The following APOH variants were observed in gnomAD, a reference collection of about 807,000 sequenced individuals.
APOH encodes beta-2-glycoprotein 1.
Under a neutral mutation model 39.8 loss-of-function variants are expected in APOH, and 48 were observed. The ratio of observed to expected loss-of-function variants is 1.21; its 90% CI spans 0.96 to 1.54. APOH has a LOEUF of 1.54. Among genes scored for constraint, APOH ranks in the 40% most tolerant of loss-of-function variants. APOH has a pLI of 0.00. For synonymous variants in APOH, 153 were observed against 151.1 expected, an observed-to-expected ratio of 1.01 and a Z score of -0.09; for missense variants, 415 against 421.2, an observed-to-expected ratio of 0.99 and a Z score of 0.13.
At position 66,228,215 on chromosome 17, in the gene APOH, C is replaced by G; in HGVS notation, c.65-19G>C. 1.9e-6 allele frequency: 3 copies of G among 1,601,984 alleles called. No individual in the cohort carries two copies. The highest frequency in any genetic ancestry group is 2.2e-5 in the South Asian group (2 of 89,706). ...GGACAGGCTGAAAGAGGGCACAAAGCAGATGGTTAACAAATCTCTATTTGC... is the reference window on the plus strand; with the variant it reads ...GGACAGGCTGAAAGAGGGCACAAAGGAGATGGTTAACAAATCTCTATTTGC... On this transcript the variant is annotated intron_variant, in intron 1 of 7. Transcript: ENST00000205948.
chr17:66,220,503 CA>C (rs756782108), intron 5 of APOH, 50 bp downstream of exon 5: 61 of 1,561,344 alleles, frequency 3.9e-5, no homozygotes, highest in Non-Finnish European at 5.3e-5. Flanking sequence ...ATACCTTTCA[CA>C]AATGGGATCT....
chr17:66,217,084 G>A, intron 5 of APOH, 117 bp from the exon 6 acceptor site: 1 of 799,168 alleles, frequency 1.3e-6, no homozygotes, highest in Non-Finnish European at 1.8e-6. Flanking sequence ...CCTGTAACTG[G>A]AATGCAATTT....
At chr17:66,215,120 C>A (rs187073773) in intron 6 of APOH, among the ~76,000 whole-genome samples, 1 of 152,268 alleles carries the variant, frequency 6.6e-6, no homozygotes, top group East Asian at 1.9e-4. Context: ...ATGCAAACCA[C>A]CCCCAGGGTC....
Position 66,228,005 on chromosome 17 carries a change from A to G in APOH, c.241+15T>C. 6.2e-7 allele frequency: 1 copy of G among 1,603,074 alleles called. No homozygotes were observed. Among genetic ancestry groups the G allele is most frequent in the Non-Finnish European group, 8.5e-7 (1 of 1,173,680 alleles). Reference sequence around the variant, plus strand: ...CAAATGAGGGAAGAGAATGTGAGAGAAGGTACTGACTTACGTGTACATTTC... The same window carrying G: ...CAAATGAGGGAAGAGAATGTGAGAGGAGGTACTGACTTACGTGTACATTTC... On this transcript the variant is annotated intron_variant, in intron 2 of 7. Coordinates refer to ENST00000205948, the MANE Select transcript of APOH (RefSeq NM_000042.3).
intron 4 of APOH, among the ~76,000 whole-genome samples, chr17:66,222,504 G>A (rs1432811930): frequency 6.9e-6 from 1 of 145,884 alleles, no homozygotes; most frequent in Non-Finnish European, 1.5e-5. Context: ...AAAAACTTTC[G>A]TTTTTGCTTG....
chr17:66,217,277 G>A (rs2146992460), intron 5 of APOH, among the ~76,000 whole-genome samples: 1 of 152,108 alleles, frequency 6.6e-6, no homozygotes, highest in Non-Finnish European at 1.5e-5. Flanking sequence ...GTCTAAGATG[G>A]TGGGTTTGAA....
At chr17:66,221,393 A>AAGGG (rs2073400906) in intron 4 of APOH, among the ~76,000 whole-genome samples, 1 of 68,306 alleles carries the variant, frequency 1.5e-5, no homozygotes, top group Admixed American at 1.4e-4. Context: ...GGAAGGAAGG[A>AAGGG]AGGAAGGAAG....
chr17:66,229,180 A>ACCTG, intron 1 of APOH, 136 bp downstream of exon 1: 1 of 584,950 alleles, frequency 1.7e-6, no homozygotes. Context: ...CAGGTGATCC[A>ACCTG]CCTGCCTTGG....
chr17:66,214,372 G>T lies in APOH; in HGVS notation c.982+81C>A, dbSNP rs985985003. 5.0e-6 allele frequency: 7 copies of T among 1,396,260 alleles called. No individual in the cohort carries two copies. The African/African-American group carries it at 7.2e-5, about 14-fold the overall frequency. The allele number at this position is 1,396,260 out of a possible 1,614,324, so 86.5% of individuals were successfully genotyped here. Reference sequence around the variant, plus strand: ...CCGCACCTGGCCTCATCTGGTTTTTGACAATCATTATAGAACAAAGGCTCT... The same window carrying T: ...CCGCACCTGGCCTCATCTGGTTTTTTACAATCATTATAGAACAAAGGCTCT... On this transcript the variant is annotated intron_variant, in intron 7 of 7. Transcript: ENST00000205948.
chr17:66,212,955 T>C (rs2073344578), intron 7 of APOH, among the ~76,000 whole-genome samples: 1 of 152,256 alleles, frequency 6.6e-6, no homozygotes, highest in Non-Finnish European at 1.5e-5. Context: ...CTGCTGTCTT[T>C]TGAATAATGG....
rs2073418182 is a variant in APOH at position 66,223,784 on chromosome 17, G to A, written c.339-10C>T. 3 of 1,613,058 alleles carry A rather than the reference G, an allele frequency of 1.9e-6. No individual in the cohort carries two copies. Among genetic ancestry groups the A allele is most frequent in the Middle Eastern group, 1.6e-4 (1 of 6,082 alleles). Reference sequence around the variant, plus strand: ...GCCATTCAGATAAAACCTGCAAAAGGAAAATTCATTCTATCAAGGAGTAAA... The same window carrying A: ...GCCATTCAGATAAAACCTGCAAAAGAAAAATTCATTCTATCAAGGAGTAAA... On this transcript the variant is annotated splice_polypyrimidine_tract_variant and intron_variant, in intron 3 of 7. Coordinates refer to ENST00000205948, the MANE Select transcript of APOH (RefSeq NM_000042.3).
rs778253457 is a variant in APOH, at chr17:66,220,633, C to G, written c.525G>C (p.Leu175Phe). Residue 175 changes from leucine to phenylalanine, a missense_variant, in exon 5 of 8, where the codon TTG (leucine) becomes TTC (phenylalanine). By Grantham distance (22) the Leu-to-Phe change is conservative (BLOSUM62 0). Around this residue, in one of 3 missense-constraint regions of APOH, gnomAD observed 288 missense variants for 284.9 expected, o/e 1.01. Coordinates refer to ENST00000205948, the MANE Select transcript of APOH (RefSeq NM_000042.3). The stretch of plus-strand genomic sequence containing the variant: ...CATTTCCAAACATCGCATGTTGTGG[C>G]AAACATTCAAAAACTGCTGTGTCCC... ...LYRDTAVFEC[L>F]PQHAMFGNDT... 19 of 1,614,024 alleles carry G rather than the reference C, an allele frequency of 1.2e-5. No homozygotes were observed. The highest frequency in any genetic ancestry group is 1.6e-5 in the Non-Finnish European group (19 of 1,180,050).
chr17:66,216,764 A>C, intron 6 of APOH, 24 bp downstream of exon 6: 1 of 1,540,842 alleles, frequency 6.5e-7, no homozygotes, highest in Non-Finnish European at 8.7e-7. Flanking sequence ...GAGATCTTAC[A>C]GGACCTCGCC....
Position 66,228,014 on chromosome 17 carries a change from A to T in APOH, c.241+6T>A. 6.2e-7 allele frequency: 1 copy of T among 1,611,032 alleles called. No homozygotes were observed. Among genetic ancestry groups the T allele is most frequent in the African/African-American group, 1.3e-5 (1 of 74,988 alleles). On this transcript the variant is annotated splice_donor_region_variant and intron_variant, in intron 2 of 7. Transcript: ENST00000205948. Reference sequence around the variant, plus strand: ...GAAGAGAATGTGAGAGAAGGTACTGACTTACGTGTACATTTCAGAGTGTTG... The same window carrying T: ...GAAGAGAATGTGAGAGAAGGTACTGTCTTACGTGTACATTTCAGAGTGTTG...
intron 6 of APOH, 128 bp downstream of exon 6, chr17:66,216,660 A>T: frequency 1.1e-6 from 1 of 892,796 alleles, no homozygotes; most frequent in Non-Finnish European, 1.7e-6. Context: ...TCCTGAAGTC[A>T]CATGCCAGCA....
intron 4 of APOH, among the ~76,000 whole-genome samples, chr17:66,222,095 G>C (rs1277997475): frequency 1.3e-5 from 2 of 152,182 alleles, no homozygotes; most frequent in East Asian, 1.9e-4. Flanking sequence ...CTTTTGGAAA[G>C]TGAGTTTATG....
intron 2 of APOH, among the ~76,000 whole-genome samples, chr17:66,227,729 C>T (rs1014098648): frequency 6.6e-6 from 1 of 152,210 alleles, no homozygotes; most frequent in African/African-American, 2.4e-5. Flanking sequence ...AGCCTCTCCA[C>T]TGTTCTTTTA....
intron 2 of APOH, among the ~76,000 whole-genome samples, chr17:66,226,895 A>AT (rs748060781): frequency 8.6e-4 from 93 of 108,044 alleles, no homozygotes; most frequent in Middle Eastern, 4.4e-3. Flanking sequence ...TTATTTATTT[A>AT]TTTTTTTTTT....
chr17:66,221,416 G>GAAGGAAGGAAGGAAGGAAGGAAGGAAGGA lies in APOH; in HGVS notation c.416-675_416-674insTCCTTCCTTCCTTCCTTCCTTCCTTCCTT, dbSNP rs1555572564. On this transcript the variant is annotated intron_variant, in intron 4 of 7. Transcript: ENST00000205948. ...GGAAGGAAGGAAGGAAGGAAGGAAG[G>GAAGGAAGGAAGGAAGGAAGGAAGGAAGGA]AAGGAAGGAAGGAAGCCCTCAAGTC... is the stretch of plus-strand genomic sequence containing the variant. Among the ~76,000 whole-genome samples the GAAGGAAGGAAGGAAGGAAGGAAGGAAGGA allele has an allele frequency of 1.5e-3, 169 of 111,718 alleles. 24 individuals are homozygous for GAAGGAAGGAAGGAAGGAAGGAAGGAAGGA. The highest frequency in any genetic ancestry group is 3.9e-3 in the African/African-American group (97 of 24,968). 73.3% of individuals were successfully genotyped at this position (111,718 alleles called of 152,430 possible).
Sources: allele counts gnomAD v4.1 joint callset (sites outside exome capture counted in the v4.1 genomes callset), GRCh38; gene constraint gnomAD v4.1.1; regional missense constraint gnomAD v4.1.1; transcripts MANE v1.5; gene names NCBI Gene and HGNC (gene_info 2026-07-23, HGNC 2026-07-21).